GPC5: variants seen among roughly 807,000 people sequenced by gnomAD.
GPC5 encodes the protein glypican-5.
GPC5 carries 47 observed loss-of-function variants against 53.9 expected under a neutral mutation model. The observed-to-expected ratio is 0.87, with a 90% CI of 0.69 to 1.11. The LOEUF is 1.11. GPC5 is among the 50% of genes most tolerant of loss of function. GPC5 has a pLI of 0.00. For synonymous variants in GPC5, 286 were observed against 263.3 expected (o/e 1.09, Z -0.84); for missense variants, 748 against 713.1 (o/e 1.05, Z -0.56).
chr13:92,758,097 G>C (rs932204516), intron 7 of GPC5, among the ~76,000 whole-genome samples: 2 of 149,312 alleles, frequency 1.3e-5, no homozygotes, highest in African/African-American at 5.0e-5. Flanking sequence ...GTCCAACAAT[G>C]ATAGACTGGA....
intron 2 of GPC5, among the ~76,000 whole-genome samples, chr13:91,456,344 T>G (rs1378044156): frequency 6.6e-6 from 1 of 151,886 alleles, no homozygotes; most frequent in Non-Finnish European, 1.5e-5. Flanking sequence ...TTCCAAATGT[T>G]AACTTTTTTT....
intron 6 of GPC5, among the ~76,000 whole-genome samples, chr13:91,970,621 GC>G (rs1471046954): frequency 6.6e-6 from 1 of 151,994 alleles, no homozygotes; most frequent in East Asian, 1.9e-4. Context: ...AGTAATAAAA[GC>G]AAAAAAATAG....
intron 7 of GPC5, among the ~76,000 whole-genome samples, chr13:92,381,439 A>G (rs1018220786): frequency 6.6e-6 from 1 of 152,176 alleles, no homozygotes; most frequent in South Asian, 2.1e-4. Context: ...GCAAATCAAA[A>G]CCACAATGCA....
At chr13:92,472,876 G>A (rs535424717) in intron 7 of GPC5, among the ~76,000 whole-genome samples, 8 of 152,178 alleles carry the variant, frequency 5.3e-5, no homozygotes, top group African/African-American at 1.9e-4. Flanking sequence ...ATCTTAAGAA[G>A]TATGTAAACT....
intron 5 of GPC5, among the ~76,000 whole-genome samples, chr13:91,775,828 AGT>A (rs2037703078): frequency 6.6e-6 from 1 of 152,154 alleles, no homozygotes; most frequent in Admixed American, 6.6e-5. Flanking sequence ...GTTTCATCTA[AGT>A]GAGAATCAGC....
chr13:92,196,544 A>G (rs2042257862), intron 7 of GPC5, among the ~76,000 whole-genome samples: 1 of 152,218 alleles, frequency 6.6e-6, no homozygotes, highest in South Asian at 2.1e-4. Context: ...AAGCTTTATT[A>G]TAATCTAACT....
intron 7 of GPC5, among the ~76,000 whole-genome samples, chr13:92,434,812 T>C (rs1877235565): frequency 6.6e-6 from 1 of 152,184 alleles, no homozygotes; most frequent in Non-Finnish European, 1.5e-5. Flanking sequence ...GAGCTGGGTT[T>C]CCACAGAGGA....
At chr13:92,709,649 C>G (rs911869148) in intron 7 of GPC5, 1 of 152,178 alleles carries the variant, frequency 6.6e-6, no homozygotes, top group African/African-American at 2.4e-5. Context: ...AAAATTAGCA[C>G]TCTGTCACTT....
At chr13:92,235,826 G>T (rs972554704) in intron 7 of GPC5, among the ~76,000 whole-genome samples, 1 of 151,836 alleles carries the variant, frequency 6.6e-6, no homozygotes, top group African/African-American at 2.4e-5. Context: ...TCTTCTCAAA[G>T]TCCCCCTCTC....
At chr13:92,851,990 G>A (rs868502329) in intron 7 of GPC5, among the ~76,000 whole-genome samples, 19 of 152,114 alleles carry the variant, frequency 1.2e-4, no homozygotes, top group Middle Eastern at 3.4e-3. Context: ...CAATGAGGAG[G>A]TGAAACCAAA....
intron 6 of GPC5, among the ~76,000 whole-genome samples, chr13:92,098,824 C>T (rs929302502): frequency 7.2e-5 from 11 of 152,150 alleles, no homozygotes; most frequent in African/African-American, 1.4e-4. Context: ...TGTGCTTAAA[C>T]GTTGATCTCC....
intron 2 of GPC5, among the ~76,000 whole-genome samples, chr13:91,661,159 G>A (rs1300795986): frequency 1.3e-5 from 2 of 151,942 alleles, no homozygotes; most frequent in Admixed American, 6.6e-5. Context: ...AGTCTGGCAG[G>A]GCCTTCTGCT....
intron 6 of GPC5, among the ~76,000 whole-genome samples, chr13:91,956,079 A>C (rs1259322325): frequency 6.6e-6 from 1 of 152,040 alleles, no homozygotes; most frequent in Non-Finnish European, 1.5e-5. Context: ...CAGGGGCTTG[A>C]GAATCACCTC....
intron 5 of GPC5, among the ~76,000 whole-genome samples, chr13:91,771,513 C>T (rs868353979): frequency 1.3e-5 from 2 of 152,076 alleles, no homozygotes; most frequent in East Asian, 3.9e-4. Context: ...CAACCAAAAT[C>T]TCCATTAATA....
At position 91,769,320 on chromosome 13, in the gene GPC5, A is replaced by G. The variant is rs192508637; in HGVS notation, c.1280+12900A>G. ...TTAATAACATCTAAAAAATACATTC[A>G]CAGCAACGTGTAGACTGCTACTTGA... On this transcript the variant is annotated intron_variant, in intron 5 of 7. Coordinates refer to ENST00000377067, the MANE Select transcript of GPC5 (RefSeq NM_004466.6). 4.9e-4 allele frequency among the ~76,000 whole-genome samples: 75 copies of G among 152,282 alleles called. 1 individual carries two copies. The highest frequency in any genetic ancestry group is 1.8e-3 in the African/African-American group (73 of 41,566).
intron 6 of GPC5, among the ~76,000 whole-genome samples, chr13:92,102,462 A>G (rs2041474937): frequency 6.6e-6 from 1 of 152,144 alleles, no homozygotes. Context: ...TCAAAATCTG[A>G]CCTATGATTG....
chr13:92,027,299 T>C (rs982986817), intron 6 of GPC5, among the ~76,000 whole-genome samples: 1 of 152,192 alleles, frequency 6.6e-6, no homozygotes, highest in African/African-American at 2.4e-5. Flanking sequence ...ACATTGTACA[T>C]TATGTTCTCA....
At chr13:91,579,792 C>A (rs887842641) in intron 2 of GPC5, among the ~76,000 whole-genome samples, 2 of 151,580 alleles carry the variant, frequency 1.3e-5, no homozygotes, top group Non-Finnish European at 2.9e-5. Flanking sequence ...CTACGCCCAG[C>A]TTTTTTGTAT....
chr13:91,871,115 T>C (rs1317811739), intron 5 of GPC5, among the ~76,000 whole-genome samples: 1 of 152,092 alleles, frequency 6.6e-6, no homozygotes, highest in Admixed American at 6.6e-5. Context: ...TCATAAGAGG[T>C]TGGGTGTGGA....
Sources: allele counts gnomAD v4.1 joint callset (sites outside exome capture counted in the v4.1 genomes callset), GRCh38; gene constraint gnomAD v4.1.1; transcripts MANE v1.5; gene names NCBI Gene and HGNC (gene_info 2026-07-23, HGNC 2026-07-21).